The following ZPBP variants were observed in gnomAD, a reference collection of about 807,000 sequenced individuals.
ZPBP encodes zona pellucida-binding protein 1.
ZPBP carries 26 observed loss-of-function variants against 44.8 expected under a neutral mutation model. That is an observed-to-expected ratio of 0.58 (90% CI 0.43 to 0.81). The LOEUF (loss-of-function observed/expected upper bound fraction) is 0.81. Among genes scored for constraint, ZPBP ranks in the 30% least tolerant of loss-of-function variants. ZPBP has a pLI of 0.00. For synonymous variants in ZPBP, 174 were observed against 153.2 expected, an observed-to-expected ratio of 1.14 and a Z score of -1.00; for missense variants, 409 against 434.0, an observed-to-expected ratio of 0.94 and a Z score of 0.51.
At chr7:49,991,130 T>C (rs568221190) in intron 6 of ZPBP, among the ~76,000 whole-genome samples, 1 of 152,040 alleles carries the variant, frequency 6.6e-6, no homozygotes, top group East Asian at 1.9e-4. Flanking sequence ...AAAAATAATT[T>C]TAAAAAGGAG....
chr7:49,846,987 T>G (rs1427761794), downstream of ZPBP, among the ~76,000 whole-genome samples: 3 of 152,202 alleles, frequency 2.0e-5, no homozygotes, highest in African/African-American at 7.2e-5. Context: ...AGGCTGTAAA[T>G]TTCCTACCTG....
At chr7:49,847,497 A>G (rs1789987921), downstream of ZPBP, among the ~76,000 whole-genome samples, 1 of 152,090 alleles carries the variant, frequency 6.6e-6, no homozygotes, top group South Asian at 2.1e-4. Flanking sequence ...CAAGGGTTTG[A>G]AAATGTGGGT....
chr7:49,910,173 C>G (rs535177735), intron 1 of ZPBP, among the ~76,000 whole-genome samples: 3 of 152,240 alleles, frequency 2.0e-5, no homozygotes, highest in African/African-American at 7.2e-5. Flanking sequence ...CACATGCAAG[C>G]AGGCAGCCAT....
chr7:49,941,141 A>G (rs149177756), intron 7 of ZPBP, among the ~76,000 whole-genome samples: 1 of 152,330 alleles, frequency 6.6e-6, no homozygotes, highest in Admixed American at 6.5e-5. Flanking sequence ...TTTAAAAAAC[A>G]GAAAATATTT....
intron 3 of ZPBP, among the ~76,000 whole-genome samples, chr7:50,078,971 T>C (rs955203327): frequency 1.4e-4 from 21 of 150,848 alleles, no homozygotes; most frequent in African/African-American, 5.1e-4. Flanking sequence ...TCAACATAAC[T>C]AGTAAGAGAG....
chr7:49,863,874 TTATAA>T (rs1324429191), intron 2 of ZPBP, among the ~76,000 whole-genome samples: 1 of 152,254 alleles, frequency 6.6e-6, no homozygotes, highest in East Asian at 1.9e-4. Flanking sequence ...CTTTTCTGTT[TTATAA>T]TATAAGCATT....
At chr7:49,979,846 T>TAA (rs1367042500) in intron 7 of ZPBP, among the ~76,000 whole-genome samples, 8 of 64,084 alleles carry the variant, frequency 1.2e-4, no homozygotes, top group Admixed American at 1.0e-3. Context: ...TATATATATA[T>TAA]AAAATATATA....
chr7:49,951,190 G>A (rs923161393), intron 7 of ZPBP, among the ~76,000 whole-genome samples: 33 of 151,756 alleles, frequency 2.2e-4, no homozygotes, highest in African/African-American at 7.7e-4. Context: ...GACACCAAAA[G>A]CATAAGCAAT....
Position 50,005,038 on chromosome 7 carries a change from A to T in ZPBP, c.783+13202T>A, listed in dbSNP as rs12530812. On this transcript the variant is annotated intron_variant, in intron 6 of 7. Transcript: ENST00000046087. The stretch of plus-strand genomic sequence containing the variant: ...TCAAAGAAAACAACTGAATCATTTT[A>T]AAAAAAAAAAAGGCAAGAGAAACTC... Among the ~76,000 whole-genome samples, 24 of 52,184 alleles carry T rather than the reference A, an allele frequency of 4.6e-4. 1 individual carries two copies. The highest frequency in any genetic ancestry group is 5.2e-4 in the African/African-American group (9 of 17,216). The allele number at this position is 52,184 out of a possible 152,430, so 34.2% of individuals were successfully genotyped here.
chr7:49,925,767 C>T (rs777545501), intron 1 of ZPBP, among the ~76,000 whole-genome samples: 3 of 152,172 alleles, frequency 2.0e-5, no homozygotes, highest in South Asian at 2.1e-4. Context: ...CATCATCGGC[C>T]GCTGTCAAAG....
intron 4 of ZPBP, among the ~76,000 whole-genome samples, chr7:50,032,907 C>T (rs1269351496): frequency 6.6e-6 from 1 of 152,166 alleles, no homozygotes; most frequent in Non-Finnish European, 1.5e-5. Flanking sequence ...TCTGACATCA[C>T]TGAGATAATA....
At chr7:49,963,069 C>T (rs1447610471) in intron 7 of ZPBP, among the ~76,000 whole-genome samples, 1 of 151,020 alleles carries the variant, frequency 6.6e-6, no homozygotes, top group African/African-American at 2.4e-5. Flanking sequence ...ACAAACAGTT[C>T]AGAGAAGAAT....
intron 7 of ZPBP, among the ~76,000 whole-genome samples, chr7:49,964,048 A>C (rs1055597862): frequency 6.6e-6 from 1 of 151,906 alleles, no homozygotes; most frequent in African/African-American, 2.4e-5. Context: ...AAATATAACT[A>C]CTTTATTTCA....
In ZPBP at chr7:50,018,345, G is replaced by T. The variant is rs536503414; in HGVS notation, c.707-29C>A. The T allele has an allele frequency of 7.6e-6, 11 of 1,443,702 alleles. No homozygotes were observed. In the African/African-American group the frequency reaches 1.4e-4, roughly 18 times the overall value. The allele number at this position is 1,443,702 out of a possible 1,614,324, so 89.4% of individuals were successfully genotyped here. On this transcript the variant is annotated intron_variant, in intron 5 of 7. Transcript: ENST00000046087. Reference sequence around the variant, plus strand: ...AGAAAATATATTATATTTTATCATGGGTATAATGTATTCTGTCACAATATT... The same window carrying T: ...AGAAAATATATTATATTTTATCATGTGTATAATGTATTCTGTCACAATATT...
chr7:49,890,552 G>A (rs1173483582), intron 2 of ZPBP, among the ~76,000 whole-genome samples: 1 of 152,066 alleles, frequency 6.6e-6, no homozygotes, highest in Non-Finnish European at 1.5e-5. Flanking sequence ...TCATTTTATA[G>A]GGATACTTAG....
intron 7 of ZPBP, among the ~76,000 whole-genome samples, chr7:49,981,566 TATAATTATATA>T (rs1219031355): frequency 1.6e-5 from 1 of 60,654 alleles, no homozygotes; most frequent in Non-Finnish European, 3.2e-5. Context: ...TTATATATTA[TATAATTATATA>T]AATTATATAT....
chr7:49,853,131 G>A (rs183357041), intron 2 of ZPBP, among the ~76,000 whole-genome samples: 4 of 152,308 alleles, frequency 2.6e-5, no homozygotes, highest in South Asian at 2.1e-4. Flanking sequence ...GCAGGGCTGC[G>A]GGCTCTGAAC....
intron 6 of ZPBP, among the ~76,000 whole-genome samples, chr7:49,990,111 TC>T (rs1454719443): frequency 1.3e-5 from 2 of 152,128 alleles, no homozygotes; most frequent in African/African-American, 4.8e-5. Flanking sequence ...ATCTAAGGGA[TC>T]CAGAGGCAGA....
At chr7:49,898,123 G>A (rs1792483661) in intron 2 of ZPBP, among the ~76,000 whole-genome samples, 1 of 152,004 alleles carries the variant, frequency 6.6e-6, no homozygotes, top group African/African-American at 2.4e-5. Context: ...ATGTGTGTGT[G>A]TGTGTGTATG....
Sources: gnomAD v4.1 joint callset for allele counts (sites outside exome capture counted in the v4.1 genomes callset) on GRCh38, gnomAD v4.1.1 for gene constraint, MANE v1.5 for transcripts, NCBI Gene and HGNC (gene_info 2026-07-23, HGNC 2026-07-21) for gene names.